The following CHCHD3 variants were observed in gnomAD, a reference collection of about 807,000 sequenced individuals.
CHCHD3 encodes MICOS complex subunit MIC19.
In CHCHD3, 20 loss-of-function variants were observed where a neutral mutation model predicts 38.2. That is an observed-to-expected ratio of 0.52 (90% CI 0.37 to 0.76). The LOEUF (loss-of-function observed/expected upper bound fraction) is 0.76. Ranked by LOEUF, CHCHD3 falls within the 30% of genes least tolerant of loss-of-function variation. CHCHD3 has a pLI of 0.00. For missense variants in CHCHD3, 245 were observed against 279.2 expected (o/e 0.88, Z 0.87); for synonymous variants, 82 against 100.0 (o/e 0.82, Z 1.07).
chr7:133,043,587 A>C (rs1428223657), intron 2 of CHCHD3, among the ~76,000 whole-genome samples: 2 of 151,644 alleles, frequency 1.3e-5, no homozygotes, highest in African/African-American at 4.8e-5. Flanking sequence ...CGGAGGTAGC[A>C]GTGAGCCGAG....
intron 4 of CHCHD3, among the ~76,000 whole-genome samples, chr7:132,926,921 C>T (rs2042066): frequency 0.66 from 100,706 of 152,004 alleles, 33,648 homozygotes; most frequent in African/African-American, 0.74. Flanking sequence ...GGGGTAACTG[C>T]ATAGGTATTT....
At chr7:132,944,859 AAT>A (rs1442030948) in intron 4 of CHCHD3, among the ~76,000 whole-genome samples, 2 of 152,030 alleles carry the variant, frequency 1.3e-5, no homozygotes, top group African/African-American at 2.4e-5. Flanking sequence ...TATAACTGTC[AAT>A]ATGTTACAAA....
chr7:133,038,992 T>C (rs1813755083), intron 2 of CHCHD3, among the ~76,000 whole-genome samples: 1 of 152,268 alleles, frequency 6.6e-6, no homozygotes, highest in Non-Finnish European at 1.5e-5. Flanking sequence ...GCTTGCTGTT[T>C]GGATTTACAC....
chr7:132,786,472 T>C (rs146188444), intron 7 of CHCHD3, among the ~76,000 whole-genome samples: 8 of 152,286 alleles, frequency 5.3e-5, no homozygotes, highest in Non-Finnish European at 1.0e-4. Context: ...GAGATGAGGA[T>C]GTAGATAGGA....
intron 4 of CHCHD3, among the ~76,000 whole-genome samples, chr7:132,911,874 T>C (rs1347114391): frequency 5.3e-5 from 8 of 152,354 alleles, no homozygotes; most frequent in African/African-American, 1.4e-4. Flanking sequence ...AGCTGAATAA[T>C]TGAATACACA....
chr7:132,885,466 C>A (rs977744006), intron 5 of CHCHD3, among the ~76,000 whole-genome samples, 196 bp downstream of exon 5: 4 of 152,058 alleles, frequency 2.6e-5, no homozygotes, highest in African/African-American at 7.2e-5. Flanking sequence ...GAACAAATAA[C>A]GCAACCATTC....
chr7:132,872,928 T>A (rs1419030642), intron 5 of CHCHD3, among the ~76,000 whole-genome samples: 1 of 151,736 alleles, frequency 6.6e-6, no homozygotes, highest in Non-Finnish European at 1.5e-5. Flanking sequence ...CATGGTGAAA[T>A]CCCATCTCTA....
chr7:132,874,978 G>A (rs569210944), intron 5 of CHCHD3, among the ~76,000 whole-genome samples: 1 of 152,082 alleles, frequency 6.6e-6, no homozygotes, highest in Non-Finnish European at 1.5e-5. Flanking sequence ...CAGGTCCTCA[G>A]AAGCCCTCAG....
intron 2 of CHCHD3, 151 bp downstream of exon 2, chr7:133,069,991 A>G (rs1814772407): frequency 5.2e-6 from 3 of 573,032 alleles, no homozygotes; most frequent in Non-Finnish European, 9.0e-6. Context: ...ACATTTTAAA[A>G]GAAACCCCAA....
chr7:132,857,802 T>C (rs1388246576), intron 5 of CHCHD3, among the ~76,000 whole-genome samples: 1 of 152,158 alleles, frequency 6.6e-6, no homozygotes, highest in Non-Finnish European at 1.5e-5. Flanking sequence ...AGCCACTCAA[T>C]CCCACTGGGT....
chr7:132,813,087 C>T (rs1807112587), intron 6 of CHCHD3, among the ~76,000 whole-genome samples: 1 of 152,194 alleles, frequency 6.6e-6, no homozygotes, highest in Non-Finnish European at 1.5e-5. Context: ...ACCAGAAGCT[C>T]CAAAAGGGCA....
chr7:132,862,112 TGAAG>T (rs1216952325), intron 5 of CHCHD3, among the ~76,000 whole-genome samples: 1 of 109,932 alleles, frequency 9.1e-6, no homozygotes, highest in Non-Finnish European at 1.9e-5. Flanking sequence ...ATGGATGAAA[TGAAG>T]GAAGGAAGGA....
At chr7:132,893,473 CT>C (rs2117188150) in intron 4 of CHCHD3, among the ~76,000 whole-genome samples, 1 of 152,250 alleles carries the variant, frequency 6.6e-6, no homozygotes, top group African/African-American at 2.4e-5. Flanking sequence ...TGGACTTGGA[CT>C]TTTGGGTTAA....
chr7:132,922,198 T>G (rs1032316299), intron 4 of CHCHD3, among the ~76,000 whole-genome samples: 7 of 152,102 alleles, frequency 4.6e-5, no homozygotes, highest in Admixed American at 1.3e-4. Context: ...CCTGGGAAGC[T>G]GCCTGAGACC....
chr7:132,920,844 G>A lies in CHCHD3; in HGVS notation c.370-35099C>T, dbSNP rs140484824. Among the ~76,000 whole-genome samples, 988 of 150,588 alleles carry A rather than the reference G, an allele frequency of 6.6e-3. 10 individuals are homozygous for A. The highest frequency in any genetic ancestry group is 0.022 in the African/African-American group (916 of 40,806). On this transcript the variant is annotated intron_variant, in intron 4 of 7. Coordinates refer to ENST00000262570, the MANE Select transcript of CHCHD3 (RefSeq NM_017812.4). ...CAAAGAAAAAAACTATCTACAGACT[G>A]CCTTAAAAAAAAAAAACCTGGCCTT...
intron 5 of CHCHD3, among the ~76,000 whole-genome samples, chr7:132,866,426 TG>T (rs1487491056): frequency 6.6e-6 from 1 of 152,206 alleles, no homozygotes; most frequent in Non-Finnish European, 1.5e-5. Flanking sequence ...AACTCAGCAT[TG>T]CAGTGCTAGC....
At chr7:132,973,846 C>T in intron 4 of CHCHD3, 1 of 1,127,002 alleles carries the variant, frequency 8.9e-7, no homozygotes, top group Non-Finnish European at 1.1e-6. Flanking sequence ...AAATCCCCCT[C>T]ACTCTTCAGT....
At chr7:133,043,415 G>A (rs1257447730) in intron 2 of CHCHD3, among the ~76,000 whole-genome samples, 2 of 152,122 alleles carry the variant, frequency 1.3e-5, no homozygotes, top group Non-Finnish European at 2.9e-5. Flanking sequence ...GCCAAGGCGG[G>A]CAGATTACCT....
chr7:133,029,122 A>G (rs1246697998), intron 2 of CHCHD3, among the ~76,000 whole-genome samples: 1 of 152,166 alleles, frequency 6.6e-6, no homozygotes, highest in East Asian at 1.9e-4. Flanking sequence ...TATAAGCAAC[A>G]GAAAAGAGAT....
Sources: allele counts gnomAD v4.1 joint callset (sites outside exome capture counted in the v4.1 genomes callset), GRCh38; gene constraint gnomAD v4.1.1; transcripts MANE v1.5; gene names NCBI Gene and HGNC (gene_info 2026-07-23, HGNC 2026-07-21).